The following ZNF678 variants were observed in gnomAD, a reference collection of about 807,000 sequenced individuals.
The protein encoded by ZNF678 is hypothetical protein MGC42493.
In ZNF678, 5 loss-of-function variants were observed where a neutral mutation model predicts 3.0. The observed-to-expected ratio is 1.69, with a 90% CI of 0.88 to 3.56. The LOEUF (loss-of-function observed/expected upper bound fraction) is 3.56. Among genes scored for constraint, ZNF678 ranks in the 30% most tolerant of loss-of-function variants. The pLI is 0.00. For synonymous variants in ZNF678, 218 were observed against 199.6 expected (o/e 1.09, Z -0.78); for missense variants, 593 against 605.0 (o/e 0.98, Z 0.21).
intron 2 of ZNF678, 75 bp from the exon 3 acceptor site, chr1:227,650,881 C>T: frequency 1.8e-6 from 2 of 1,090,918 alleles, no homozygotes; most frequent in Admixed American, 2.2e-5. Context: ...CATCAACAAA[C>T]AGCAGTATTT....
At chr1:227,662,793 G>T (rs1457272570), downstream of ZNF678, among the ~76,000 whole-genome samples, 1 of 152,136 alleles carries the variant, frequency 6.6e-6, no homozygotes, top group African/African-American at 2.4e-5. Flanking sequence ...AGCCCTTTTG[G>T]AAAGTAATCT....
At chr1:227,651,630 G>GC (rs1392223581) in intron 3 of ZNF678, among the ~76,000 whole-genome samples, 2 of 152,214 alleles carry the variant, frequency 1.3e-5, no homozygotes, top group Non-Finnish European at 2.9e-5. Context: ...GCCAAGACCA[G>GC]CGTCCTCAAG....
downstream of ZNF678, among the ~76,000 whole-genome samples, chr1:227,664,003 T>C (rs953647637): frequency 2.9e-4 from 44 of 152,200 alleles, no homozygotes; most frequent in African/African-American, 8.0e-4. Context: ...ATTGATCTCC[T>C]GCATGGAGCT....
intron 1 of ZNF678, among the ~76,000 whole-genome samples, chr1:227,607,211 G>A (rs1029750707): frequency 1.3e-5 from 2 of 151,904 alleles, no homozygotes; most frequent in Admixed American, 6.6e-5. Context: ...CTTCATATAC[G>A]TTTGTCTATA....
At chr1:227,645,345 G>GGTCA (rs1161265923) in intron 1 of ZNF678, among the ~76,000 whole-genome samples, 1 of 152,026 alleles carries the variant, frequency 6.6e-6, no homozygotes, top group African/African-American at 2.4e-5. Flanking sequence ...TCAAGGGCTG[G>GGTCA]GTCAGCTGTT....
At chr1:227,641,511 A>G (rs147296894) in intron 1 of ZNF678, among the ~76,000 whole-genome samples, 1 of 152,164 alleles carries the variant, frequency 6.6e-6, no homozygotes, top group Non-Finnish European at 1.5e-5. Flanking sequence ...CTGTTCTACC[A>G]TTGTGGAGAG....
intron 1 of ZNF678, among the ~76,000 whole-genome samples, chr1:227,595,361 G>A (rs1009085544): frequency 5.3e-5 from 8 of 152,004 alleles, no homozygotes; most frequent in Non-Finnish European, 1.0e-4. Context: ...AAGCATCTGT[G>A]TAAGGGAACT....
At chr1:227,619,084 C>G (rs1438924661) in intron 1 of ZNF678, among the ~76,000 whole-genome samples, 2 of 152,074 alleles carry the variant, frequency 1.3e-5, no homozygotes, top group African/African-American at 4.8e-5. Flanking sequence ...ATGGGGGAAA[C>G]CATCCCCATG....
chr1:227,612,074 G>A (rs1450810226), intron 1 of ZNF678, among the ~76,000 whole-genome samples: 1 of 152,138 alleles, frequency 6.6e-6, no homozygotes, highest in African/African-American at 2.4e-5. Flanking sequence ...TCCAACAGCT[G>A]GAAAGCTATT....
intron 1 of ZNF678, among the ~76,000 whole-genome samples, chr1:227,637,671 T>C (rs1658714046): frequency 6.6e-6 from 1 of 152,128 alleles, no homozygotes; most frequent in African/African-American, 2.4e-5. Flanking sequence ...GGTCGGGTAA[T>C]AGGCTGTGCA....
chr1:227,667,500 G>T (rs138183549), intron 5 of ZNF678, among the ~76,000 whole-genome samples: 52 of 152,294 alleles, frequency 3.4e-4, no homozygotes, highest in African/African-American at 1.3e-3. Flanking sequence ...ATTAAAAGTA[G>T]AACTGGCATC....
chr1:227,654,312 A>G, intron 3 of ZNF678, 24 bp from the exon 4 acceptor site: 1 of 1,483,918 alleles, frequency 6.7e-7, no homozygotes, highest in South Asian at 1.5e-5. Flanking sequence ...AAGAAGAATA[A>G]CTTTTTATTT....
rs371621107 is a variant in ZNF678 at position 227,584,935 on chromosome 1, A to C, written c.-164+21211A>C. On this transcript the variant is annotated intron_variant, in intron 1 of 3. Coordinates refer to ENST00000343776, the MANE Select transcript of ZNF678 (RefSeq NM_001367909.1). ...CTGACTTTTCAAGGTAATTTGCTAC[A>C]ACTGAATTTTACAAGAAAGTTTATA... Among the ~76,000 whole-genome samples the C allele has an allele frequency of 5.9e-5, 9 of 152,340 alleles. 1 individual carries two copies. The highest frequency in any genetic ancestry group is 2.2e-4 in the African/African-American group (9 of 41,582).
chr1:227,584,102 A>G (rs1260271841), intron 1 of ZNF678, among the ~76,000 whole-genome samples: 1 of 152,244 alleles, frequency 6.6e-6, no homozygotes, highest in Non-Finnish European at 1.5e-5. Flanking sequence ...TTTAAAATGT[A>G]CATTGTTGGG....
intron 1 of ZNF678, among the ~76,000 whole-genome samples, chr1:227,628,938 C>T (rs1431737230): frequency 6.6e-6 from 1 of 152,176 alleles, no homozygotes; most frequent in Admixed American, 6.5e-5. Flanking sequence ...CAGAAAAAGG[C>T]AACCTTAAGG....
chr1:227,598,512 G>C, intron 1 of ZNF678: 1 of 1,337,248 alleles, frequency 7.5e-7, no homozygotes, highest in Non-Finnish European at 1.0e-6. Context: ...TTTTTTTTCT[G>C]TTGCTTTTTC....
chr1:227,654,847 T>C lies in ZNF678; in HGVS notation c.597T>C (p.His199=). The part of the protein sequence containing the change: ...VFNWWSQLTS[H]KKIHSGEKPY... ...ATTGGTGGTCACAACTAACTAGCCA[T>C]AAGAAAATTCATAGTGGAGAGAAAC... is the stretch of plus-strand genomic sequence containing the variant. Residue 199 remains histidine (H), a synonymous_variant, in exon 4 of 4, where the codon CAT becomes CAC. Coordinates refer to ENST00000343776, the MANE Select transcript of ZNF678 (RefSeq NM_001367909.1). 1 of 1,608,720 alleles carries C rather than the reference T, an allele frequency of 6.2e-7. No homozygotes were observed. The highest frequency in any genetic ancestry group is 8.5e-7 in the Non-Finnish European group (1 of 1,179,032).
chr1:227,624,350 G>T (rs1658354603), intron 1 of ZNF678, among the ~76,000 whole-genome samples: 1 of 152,104 alleles, frequency 6.6e-6, no homozygotes, highest in Non-Finnish European at 1.5e-5. Flanking sequence ...ACATAAAAAA[G>T]CACCTTCATA....
At chr1:227,637,363 T>C (rs1409816279) in intron 1 of ZNF678, among the ~76,000 whole-genome samples, 1 of 152,156 alleles carries the variant, frequency 6.6e-6, no homozygotes, top group Non-Finnish European at 1.5e-5. Flanking sequence ...AGCTAGCATG[T>C]CTTTGATCTT....
Sources: gnomAD v4.1 joint callset for allele counts (sites outside exome capture counted in the v4.1 genomes callset) on GRCh38, gnomAD v4.1.1 for gene constraint, MANE v1.5 for transcripts, NCBI Gene and HGNC (gene_info 2026-07-23, HGNC 2026-07-21) for gene names.